Variants in NOL4 observed in about 807,000 individuals in gnomAD.
NOL4 encodes the protein nucleolar protein 4.
A neutral mutation model predicts 75.9 loss-of-function variants in NOL4; 17 were observed. That is an observed-to-expected ratio of 0.22 (90% confidence interval 0.15 to 0.34). The LOEUF is 0.34. Ranked by LOEUF, NOL4 falls within the 10% of genes least tolerant of loss-of-function variation. The pLI, the probability that NOL4 is intolerant of heterozygous loss-of-function variation, is 1.00. For missense variants in NOL4, 614 were observed against 793.5 expected (o/e 0.77, Z 2.72); for synonymous variants, 292 against 289.9 (o/e 1.01, Z -0.07).
chr18:34,078,739 C>T (rs2077859229), intron 5 of NOL4, among the ~76,000 whole-genome samples: 1 of 152,098 alleles, frequency 6.6e-6, no homozygotes, highest in Non-Finnish European at 1.5e-5. Context: ...AGAAGGAATT[C>T]TAAAATGCCT....
At chr18:34,032,238 G>A (rs1214646130) in intron 5 of NOL4, among the ~76,000 whole-genome samples, 4 of 152,174 alleles carry the variant, frequency 2.6e-5, no homozygotes, top group Non-Finnish European at 4.4e-5. Context: ...CTGCTGCCAC[G>A]GAAGGTAGCA....
intron 6 of NOL4, among the ~76,000 whole-genome samples, chr18:34,003,549 TC>T (rs2073859306): frequency 6.6e-6 from 1 of 152,120 alleles, no homozygotes; most frequent in African/African-American, 2.4e-5. Flanking sequence ...CTGCTGGAAA[TC>T]TTTTTCTTAT....
At position 34,217,348 on chromosome 18, in the gene NOL4, G is replaced by C. The variant is rs76996250; in HGVS notation, c.264+5642C>G. Among the ~76,000 whole-genome samples the C allele has an allele frequency of 2.6e-5, 4 of 151,422 alleles. No individual in the cohort carries two copies. The East Asian group carries it at 7.8e-4, about 30-fold the overall frequency. On this transcript the variant is annotated intron_variant, in intron 1 of 10. Transcript: ENST00000261592. ...TGCCCAGGCTGGAGTGCAATGGTGC[G>C]ATCTCGGCTCACTGCAACCTCCGCC...
intron 10 of NOL4, among the ~76,000 whole-genome samples, chr18:33,869,653 A>T (rs2063599069): frequency 6.6e-6 from 1 of 151,688 alleles, no homozygotes; most frequent in African/African-American, 2.4e-5. Flanking sequence ...TAAACATAAG[A>T]TATTTTTTAT....
intron 5 of NOL4, among the ~76,000 whole-genome samples, chr18:34,058,671 C>T (rs2076934194): frequency 6.6e-6 from 1 of 152,086 alleles, no homozygotes; most frequent in African/African-American, 2.4e-5. Flanking sequence ...AATCTGTGAA[C>T]TTCATGAATG....
intron 9 of NOL4, among the ~76,000 whole-genome samples, chr18:33,927,389 T>C (rs1016119074): frequency 7.9e-5 from 12 of 152,158 alleles, no homozygotes; most frequent in Non-Finnish European, 7.4e-5. Flanking sequence ...TAAGGGCTCA[T>C]AGAAAATAGC....
At chr18:34,085,949 G>A (rs1283685222) in intron 5 of NOL4, among the ~76,000 whole-genome samples, 1 of 151,982 alleles carries the variant, frequency 6.6e-6, no homozygotes, top group Non-Finnish European at 1.5e-5. Flanking sequence ...CCAATTCATA[G>A]TAACATTCCT....
At chr18:33,888,213 A>G (rs1404737133) in intron 9 of NOL4, among the ~76,000 whole-genome samples, 2 of 152,148 alleles carry the variant, frequency 1.3e-5, no homozygotes, top group African/African-American at 4.8e-5. Context: ...GGCTGCATGA[A>G]TGTCTTCTTT....
intron 1 of NOL4, among the ~76,000 whole-genome samples, chr18:34,215,161 TG>T (rs1216038732): frequency 1.3e-5 from 2 of 152,142 alleles, no homozygotes; most frequent in East Asian, 1.9e-4. Context: ...TTATGTTGTG[TG>T]TTTTTTTTAT....
intron 9 of NOL4, among the ~76,000 whole-genome samples, chr18:33,919,949 C>A (rs990755902): frequency 1.3e-5 from 2 of 152,102 alleles, no homozygotes; most frequent in Non-Finnish European, 2.9e-5. Context: ...ACCTTTTTAA[C>A]AATAACAACA....
At position 33,853,860 on chromosome 18, in the gene NOL4, A is replaced by T. The variant is rs552855013; in HGVS notation, c.1724-825T>A. On this transcript the variant is annotated intron_variant, in intron 10 of 10. Transcript: ENST00000261592. ...AGCCATCTGGTGGGTATGCTTTTTG[A>T]CAACATTTTGTAAATTTTTACTTAA... Among the ~76,000 whole-genome samples, 301 of 152,222 alleles carry T rather than the reference A, an allele frequency of 2.0e-3. 1 individual carries two copies. The highest frequency in any genetic ancestry group is 0.014 in the Middle Eastern group (4 of 294).
At chr18:34,112,503 C>A (rs1217941367) in intron 2 of NOL4, among the ~76,000 whole-genome samples, 2 of 151,918 alleles carry the variant, frequency 1.3e-5, no homozygotes, top group African/African-American at 4.8e-5. Flanking sequence ...ACTACACATA[C>A]ATAATGAAAT....
chr18:33,983,607 T>C (rs2072173032), intron 6 of NOL4, among the ~76,000 whole-genome samples: 1 of 152,028 alleles, frequency 6.6e-6, no homozygotes, highest in Non-Finnish European at 1.5e-5. Context: ...CATACACACA[T>C]ATATGCACAC....
chr18:34,099,362 C>CAAA (rs58940650), intron 4 of NOL4, among the ~76,000 whole-genome samples: 9 of 80,064 alleles, frequency 1.1e-4, no homozygotes, highest in Admixed American at 6.2e-4. Flanking sequence ...GACTTTGTCT[C>CAAA]AAAAAAAAAA....
intron 5 of NOL4, among the ~76,000 whole-genome samples, chr18:34,068,340 A>C (rs1041823472): frequency 6.6e-6 from 1 of 152,166 alleles, no homozygotes; most frequent in African/African-American, 2.4e-5. Context: ...AAACAGCAGC[A>C]GTGAAGGAGG....
At chr18:34,100,287 T>C (rs2078986427) in intron 4 of NOL4, among the ~76,000 whole-genome samples, 2 of 152,124 alleles carry the variant, frequency 1.3e-5, no homozygotes, top group Non-Finnish European at 2.9e-5. Context: ...AACATGTAAA[T>C]ATGCTATAAT....
At chr18:34,222,358 G>T in intron 1 of NOL4, 1 of 1,249,288 alleles carries the variant, frequency 8.0e-7, no homozygotes, top group Non-Finnish European at 1.0e-6. Context: ...GGGCGGGGAG[G>T]AGGAATCTCC....
intron 8 of NOL4, among the ~76,000 whole-genome samples, chr18:33,952,619 T>C (rs2069316373): frequency 6.6e-6 from 1 of 152,190 alleles, no homozygotes; most frequent in Non-Finnish European, 1.5e-5. Context: ...TAAAACATTA[T>C]AGAAAGAAAT....
At chr18:34,166,490 C>T (rs938729676) in intron 1 of NOL4, among the ~76,000 whole-genome samples, 2 of 152,100 alleles carry the variant, frequency 1.3e-5, no homozygotes, top group African/African-American at 4.8e-5. Context: ...TGTCTATCTC[C>T]ATTTTCCCAA....
Sources: allele counts gnomAD v4.1 joint callset (sites outside exome capture counted in the v4.1 genomes callset), GRCh38; gene constraint gnomAD v4.1.1; transcripts MANE v1.5; gene names NCBI Gene and HGNC (gene_info 2026-07-23, HGNC 2026-07-21).